Variants in ZNF423 observed in about 807,000 individuals in gnomAD.
The protein encoded by ZNF423 is Ebf-associated zinc finger protein.
ZNF423 carries 12 observed loss-of-function variants against 95.8 expected under a neutral mutation model. The observed-to-expected ratio is 0.13, with a 90% CI of 0.08 to 0.20. The LOEUF (loss-of-function observed/expected upper bound fraction) is 0.20, where lower values mean the gene tolerates loss of function less well. ZNF423 is among the 10% of genes least tolerant of loss of function. ZNF423 has a pLI of 1.00. For synonymous variants in ZNF423, 749 were observed against 711.9 expected (o/e 1.05, Z -0.83); for missense variants, 1,316 against 1,737.1 (o/e 0.76, Z 4.31).
intron 3 of ZNF423, among the ~76,000 whole-genome samples, chr16:49,686,791 T>A (rs990520253): frequency 7.0e-5 from 2 of 28,620 alleles, no homozygotes; most frequent in African/African-American, 1.5e-4. Flanking sequence ...CAGGAACAGA[T>A]GGAGGAGCAA....
intron 5 of ZNF423, among the ~76,000 whole-genome samples, chr16:49,608,837 C>A (rs995458747): frequency 2.0e-5 from 3 of 152,212 alleles, no homozygotes. Context: ...ACCATCCACT[C>A]CAGCAAAGGC....
intron 7 of ZNF423, among the ~76,000 whole-genome samples, chr16:49,499,641 C>A (rs1334095377): frequency 6.6e-6 from 1 of 152,104 alleles, no homozygotes; most frequent in African/African-American, 2.4e-5. Context: ...GAGGAGGGTG[C>A]CCCCCACTTT....
intron 5 of ZNF423, among the ~76,000 whole-genome samples, chr16:49,592,112 A>G (rs1971028302): frequency 6.6e-6 from 1 of 152,230 alleles, no homozygotes; most frequent in Admixed American, 6.5e-5. Flanking sequence ...TTTAATTTCT[A>G]TTTATTGATA....
At chr16:49,831,668 T>C (rs968271404) in intron 1 of ZNF423, among the ~76,000 whole-genome samples, 1 of 152,112 alleles carries the variant, frequency 6.6e-6, no homozygotes, top group Non-Finnish European at 1.5e-5. Context: ...ACACCCAGAC[T>C]ACAGGGAAGA....
intron 3 of ZNF423, among the ~76,000 whole-genome samples, chr16:49,691,645 T>C (rs146670180): frequency 0.01 from 1,545 of 151,664 alleles, 26 homozygotes; most frequent in African/African-American, 0.035. Flanking sequence ...GGCAGGAGAA[T>C]GGCGTGAACC....
At chr16:49,756,182 C>T (rs535303854) in intron 2 of ZNF423, among the ~76,000 whole-genome samples, 4 of 152,226 alleles carry the variant, frequency 2.6e-5, no homozygotes, top group East Asian at 1.9e-4. Context: ...GTTTTCAAAA[C>T]GGACTTGCTG....
chr16:49,553,514 T>C (rs1969714792), intron 5 of ZNF423, among the ~76,000 whole-genome samples: 1 of 151,978 alleles, frequency 6.6e-6, no homozygotes, highest in South Asian at 2.1e-4. Context: ...CACGGGCTAT[T>C]TTTTTACTTT....
At chr16:49,597,280 G>A (rs1375981606) in intron 5 of ZNF423, among the ~76,000 whole-genome samples, 1 of 152,152 alleles carries the variant, frequency 6.6e-6, no homozygotes, top group Non-Finnish European at 1.5e-5. Context: ...CCTACCTAGA[G>A]CTATCCTATC....
At chr16:49,807,358 G>A (rs1386843618) in intron 1 of ZNF423, among the ~76,000 whole-genome samples, 3 of 151,954 alleles carry the variant, frequency 2.0e-5, no homozygotes, top group Non-Finnish European at 4.4e-5. Context: ...GTGAACCCGG[G>A]AGGCAGAGCT....
chr16:49,641,483 C>T, intron 3 of ZNF423, among the ~76,000 whole-genome samples: 1 of 152,202 alleles, frequency 6.6e-6, no homozygotes, highest in East Asian at 1.9e-4. Context: ...GGAACCCACC[C>T]AGCAACTGAT....
intron 1 of ZNF423, among the ~76,000 whole-genome samples, chr16:49,795,348 G>C (rs1473104359): frequency 1.3e-5 from 2 of 152,198 alleles, no homozygotes; most frequent in Non-Finnish European, 1.5e-5. Flanking sequence ...TCTGGGAGCA[G>C]AAGGTCACAC....
intron 3 of ZNF423, chr16:49,640,907 CTGCCTGCCAATTCCCAGCTCT>C (rs1373755160): frequency 6.6e-6 from 1 of 152,398 alleles, no homozygotes; most frequent in Non-Finnish European, 1.5e-5. Flanking sequence ...GCCCCAGCCC[CTGCCTGCCAATTCCCAGCTCT>C]TGCCAGCTGG....
intron 5 of ZNF423, among the ~76,000 whole-genome samples, chr16:49,547,536 C>T (rs968915500): frequency 6.6e-6 from 1 of 152,180 alleles, no homozygotes; most frequent in African/African-American, 2.4e-5. Flanking sequence ...CATCAAGGCC[C>T]AGGAATGGTG....
chr16:49,504,063 G>A (rs1001537370), intron 7 of ZNF423, among the ~76,000 whole-genome samples: 19 of 152,192 alleles, frequency 1.2e-4, no homozygotes, highest in Admixed American at 1.1e-3. Flanking sequence ...TCATAGAGAT[G>A]GAAAGTGGAA....
At chr16:49,563,088 G>C (rs1353549482) in intron 5 of ZNF423, among the ~76,000 whole-genome samples, 1 of 152,168 alleles carries the variant, frequency 6.6e-6, no homozygotes, top group Non-Finnish European at 1.5e-5. Context: ...CACACAGCCA[G>C]CTGTACGCAT....
At chr16:49,554,716 T>C (rs1969762876) in intron 5 of ZNF423, among the ~76,000 whole-genome samples, 1 of 151,942 alleles carries the variant, frequency 6.6e-6, no homozygotes, top group African/African-American at 2.4e-5. Context: ...TGATATGGAA[T>C]CATTATATGA....
intron 7 of ZNF423, among the ~76,000 whole-genome samples, chr16:49,500,010 G>C (rs532636240): frequency 3.3e-4 from 50 of 152,190 alleles, no homozygotes; most frequent in Non-Finnish European, 4.1e-4. Flanking sequence ...CCGTCAGTCT[G>C]TTTGTGAGCA....
chr16:49,685,979 T>C lies in ZNF423; in HGVS notation c.301+44792A>G, dbSNP rs74747068. Among the ~76,000 whole-genome samples the C allele has an allele frequency of 5.0e-3, 758 of 152,332 alleles. 12 individuals are homozygous for C. The highest frequency in any genetic ancestry group is 0.017 in the African/African-American group (711 of 41,578). On this transcript the variant is annotated intron_variant, in intron 3 of 7. Transcript: ENST00000563137. ...TCCGTCTGGATGGCTATCCCCATAATTTCTATTCATTGTTTCGCCCTCGTT... is the reference window on the plus strand; with the variant it reads ...TCCGTCTGGATGGCTATCCCCATAACTTCTATTCATTGTTTCGCCCTCGTT...
intron 3 of ZNF423, among the ~76,000 whole-genome samples, chr16:49,674,432 G>T (rs144931657): frequency 1.3e-5 from 2 of 152,288 alleles, no homozygotes; most frequent in African/African-American, 2.4e-5. Context: ...TGTGTACACG[G>T]TGCGTCATCC....
Sources: allele counts gnomAD v4.1 joint callset (sites outside exome capture counted in the v4.1 genomes callset), GRCh38; gene constraint gnomAD v4.1.1; transcripts MANE v1.5; gene names NCBI Gene and HGNC (gene_info 2026-07-23, HGNC 2026-07-21).